CHRM3: variants seen among roughly 807,000 people sequenced by gnomAD.
CHRM3 encodes muscarinic acetylcholine receptor M3.
A neutral mutation model predicts 41.8 loss-of-function variants in CHRM3; 11 were observed. The observed-to-expected ratio is 0.26, with a 90% CI of 0.17 to 0.44. CHRM3 has a LOEUF of 0.44. CHRM3 is among the 20% of genes least tolerant of loss of function. The pLI is 1.00. For synonymous variants in CHRM3, 297 were observed against 301.4 expected, an observed-to-expected ratio of 0.99 and a Z score of 0.15; for missense variants, 571 against 745.4, an observed-to-expected ratio of 0.77 and a Z score of 2.72.
chr1:239,633,322 T>A (rs1670077038), intron 4 of CHRM3, among the ~76,000 whole-genome samples: 1 of 152,058 alleles, frequency 6.6e-6, no homozygotes, highest in Non-Finnish European at 1.5e-5. Flanking sequence ...CGGAGGAAAC[T>A]GCCACTTTTA....
intron 5 of CHRM3, among the ~76,000 whole-genome samples, chr1:239,805,733 A>G (rs1670585791): frequency 6.6e-6 from 1 of 152,146 alleles, no homozygotes; most frequent in Non-Finnish European, 1.5e-5. Flanking sequence ...ATATTGCCAT[A>G]TATATCAGAA....
chr1:239,903,854 A>G (rs868664406), intron 6 of CHRM3, among the ~76,000 whole-genome samples: 2 of 152,164 alleles, frequency 1.3e-5, no homozygotes, highest in African/African-American at 4.8e-5. Context: ...CTTCATGTTC[A>G]TTGTTGTGGT....
intron 1 of CHRM3, among the ~76,000 whole-genome samples, chr1:239,449,680 A>G (rs1664418372): frequency 6.6e-6 from 1 of 152,080 alleles, no homozygotes; most frequent in Non-Finnish European, 1.5e-5. Flanking sequence ...ACTGTACTTA[A>G]AGCTGAGACC....
At chr1:239,599,632 C>T (rs1358538829) in intron 3 of CHRM3, among the ~76,000 whole-genome samples, 1 of 152,022 alleles carries the variant, frequency 6.6e-6, no homozygotes. Context: ...ACCCATTGTA[C>T]AAGGAAAATA....
chr1:239,737,741 A>G (rs951545352), intron 5 of CHRM3, among the ~76,000 whole-genome samples: 10 of 152,118 alleles, frequency 6.6e-5, no homozygotes, highest in Admixed American at 6.6e-4. Context: ...TATTTGTTTC[A>G]AGGAGTAGGT....
intron 5 of CHRM3, among the ~76,000 whole-genome samples, chr1:239,817,577 C>T (rs1367258906): frequency 6.6e-6 from 1 of 151,830 alleles, no homozygotes; most frequent in Non-Finnish European, 1.5e-5. Flanking sequence ...TCTTTGGCTT[C>T]CTCTGCCTTT....
At chr1:239,503,594 G>A (rs1447307907) in intron 2 of CHRM3, among the ~76,000 whole-genome samples, 1 of 151,680 alleles carries the variant, frequency 6.6e-6, no homozygotes, top group Non-Finnish European at 1.5e-5. Flanking sequence ...AAAACAAAAG[G>A]CCTGCATAGC....
chr1:239,592,473 A>T (rs535018486), intron 3 of CHRM3, among the ~76,000 whole-genome samples: 183 of 152,240 alleles, frequency 1.2e-3, no homozygotes, highest in Non-Finnish European at 1.9e-3. Context: ...AGCCACCACT[A>T]ATTTTCTGAC....
intron 6 of CHRM3, among the ~76,000 whole-genome samples, chr1:239,853,734 CA>C (rs937069323): frequency 1.3e-5 from 2 of 151,996 alleles, no homozygotes; most frequent in Admixed American, 1.3e-4. Context: ...CTCCTCTATG[CA>C]AAAATTCAGC....
chr1:239,567,053 A>G (rs1661422050), intron 3 of CHRM3, among the ~76,000 whole-genome samples: 1 of 152,228 alleles, frequency 6.6e-6, no homozygotes, highest in Non-Finnish European at 1.5e-5. Context: ...AATTATCTCA[A>G]GAACTTAATA....
intron 5 of CHRM3, among the ~76,000 whole-genome samples, chr1:239,730,721 G>A (rs111457475): frequency 4.1e-4 from 62 of 152,056 alleles, no homozygotes; most frequent in African/African-American, 1.4e-3. Context: ...TTTTCACAGG[G>A]TCCTGACAGT....
intron 5 of CHRM3, among the ~76,000 whole-genome samples, chr1:239,808,804 G>T (rs182961091): frequency 6.6e-6 from 1 of 152,240 alleles, no homozygotes; most frequent in Admixed American, 6.5e-5. Flanking sequence ...CACTCTCTTA[G>T]AAAACCCATC....
At chr1:239,774,473 TAGAAAAAGAAAATTCAATTTAAATC>T (rs1667941574) in intron 5 of CHRM3, among the ~76,000 whole-genome samples, 1 of 152,104 alleles carries the variant, frequency 6.6e-6, no homozygotes, top group Admixed American at 6.6e-5. Context: ...AATCAGGAGG[TAGAAAAAGAAAATTCAATTTAAATC>T]AGTGCAGAAT....
Position 239,526,408 on chromosome 1 carries a change from GAC to G in CHRM3, c.-421-19229_-421-19228del, listed in dbSNP as rs534107559. On this transcript the variant is annotated intron_variant, in intron 2 of 6. Coordinates refer to ENST00000676153, the MANE Select transcript of CHRM3 (RefSeq NM_001375978.1). ...ACTGATATTTTTACGTGAATTAAGA[GAC>G]ACAGCAATTCCACTTCATCCCAGTG... 5.3e-3 allele frequency among the ~76,000 whole-genome samples: 804 copies of G among 152,258 alleles called. 6 individuals are homozygous for G. Among genetic ancestry groups the G allele is most frequent in the African/African-American group, 0.018 (766 of 41,536 alleles).
chr1:239,645,987 A>G (rs1218459400), intron 4 of CHRM3, among the ~76,000 whole-genome samples: 1 of 152,226 alleles, frequency 6.6e-6, no homozygotes, highest in Non-Finnish European at 1.5e-5. Context: ...AAATTAAAGC[A>G]TAACATTTGT....
chr1:239,521,642 A>T (rs566730417), intron 2 of CHRM3, among the ~76,000 whole-genome samples: 2 of 152,318 alleles, frequency 1.3e-5, no homozygotes, highest in East Asian at 3.9e-4. Context: ...TTTTATAGAC[A>T]GGCATGAAAT....
At chr1:239,541,836 A>T (rs997958114) in intron 2 of CHRM3, among the ~76,000 whole-genome samples, 1 of 152,060 alleles carries the variant, frequency 6.6e-6, no homozygotes, top group African/African-American at 2.4e-5. Context: ...CCAAATCCTC[A>T]CCAAGATTGC....
intron 3 of CHRM3, among the ~76,000 whole-genome samples, chr1:239,602,517 A>C (rs1309312238): frequency 6.6e-6 from 1 of 152,198 alleles, no homozygotes; most frequent in Non-Finnish European, 1.5e-5. Flanking sequence ...AATAACAAAC[A>C]GATAGTAGGC....
At chr1:239,439,886 C>A (rs529761948) in intron 1 of CHRM3, among the ~76,000 whole-genome samples, 5 of 151,918 alleles carry the variant, frequency 3.3e-5, no homozygotes, top group Non-Finnish European at 7.4e-5. Context: ...AGAAGATGGT[C>A]GATATCAGGA....
Sources: gnomAD v4.1 joint callset for allele counts (sites outside exome capture counted in the v4.1 genomes callset) on GRCh38, gnomAD v4.1.1 for gene constraint, MANE v1.5 for transcripts, NCBI Gene and HGNC (gene_info 2026-07-23, HGNC 2026-07-21) for gene names.